Variants in RARB observed in about 807,000 individuals in gnomAD.
RARB encodes the protein retinoic acid receptor beta.
A neutral mutation model predicts 51.9 loss-of-function variants in RARB; 17 were observed. The ratio of observed to expected loss-of-function variants is 0.33; its 90% CI spans 0.22 to 0.49. The LOEUF is 0.49. Ranked by LOEUF, RARB falls within the 20% of genes least tolerant of loss-of-function variation. RARB has a pLI of 0.99. For missense variants in RARB, 369 were observed against 550.8 expected (o/e 0.67, Z 3.30); for synonymous variants, 215 against 195.4 (o/e 1.10, Z -0.84).
chr3:25,330,997 C>T (rs774312555), intron 5 of RARB, among the ~76,000 whole-genome samples: 2 of 152,042 alleles, frequency 1.3e-5, no homozygotes, highest in Admixed American at 6.6e-5. Flanking sequence ...TATATGCACC[C>T]AATACAGGAG....
intron 3 of RARB, among the ~76,000 whole-genome samples, chr3:25,112,521 A>T (rs1234446188): frequency 1.3e-5 from 2 of 152,308 alleles, no homozygotes; most frequent in Non-Finnish European, 2.9e-5. Context: ...TCATACCTGT[A>T]ATCCCAGCAC....
At chr3:25,415,340 G>A (rs542393207) in intron 5 of RARB, among the ~76,000 whole-genome samples, 1 of 152,022 alleles carries the variant, frequency 6.6e-6, no homozygotes, top group Admixed American at 6.5e-5. Context: ...TTACATTTAG[G>A]TCCAGGATCC....
At chr3:24,854,081 A>G (rs892370117) in intron 1 of RARB, among the ~76,000 whole-genome samples, 1 of 152,208 alleles carries the variant, frequency 6.6e-6, no homozygotes, top group South Asian at 2.1e-4. Context: ...GTGTAGTTTC[A>G]TCGTAAATAG....
intron 3 of RARB, among the ~76,000 whole-genome samples, chr3:25,123,060 C>T (rs1699809392): frequency 6.6e-6 from 1 of 151,984 alleles, no homozygotes; most frequent in Non-Finnish European, 1.5e-5. Flanking sequence ...ATTCAATTCT[C>T]CTGCATGAGC....
chr3:25,293,088 T>C (rs1703828719), intron 5 of RARB, among the ~76,000 whole-genome samples: 1 of 152,196 alleles, frequency 6.6e-6, no homozygotes. Flanking sequence ...CTCCTAGTTA[T>C]TCACAGCCTG....
At chr3:25,315,006 T>C (rs1704386893) in intron 5 of RARB, among the ~76,000 whole-genome samples, 1 of 152,258 alleles carries the variant, frequency 6.6e-6, no homozygotes, top group South Asian at 2.1e-4. Context: ...GGCCTCCAGC[T>C]ACATCCATGT....
chr3:25,358,059 C>T (rs901943558), intron 5 of RARB, among the ~76,000 whole-genome samples: 1 of 152,002 alleles, frequency 6.6e-6, no homozygotes, highest in Non-Finnish European at 1.5e-5. Context: ...TCAATAGTAG[C>T]TTGATGGGAA....
intron 2 of RARB, among the ~76,000 whole-genome samples, chr3:25,000,835 A>G (rs78244254): frequency 0.027 from 4,144 of 152,278 alleles, 138 homozygotes; most frequent in East Asian, 0.12. Context: ...TGTAAGTGCT[A>G]TAGATTTTTA....
chr3:25,479,608 G>T (rs1007576790), intron 2 of RARB, among the ~76,000 whole-genome samples: 61 of 152,220 alleles, frequency 4.0e-4, no homozygotes, highest in African/African-American at 1.4e-3. Flanking sequence ...AATGATGGAA[G>T]TGTTTTTGAC....
chr3:25,463,045 CT>C (rs1398340621), intron 2 of RARB, among the ~76,000 whole-genome samples: 1 of 152,062 alleles, frequency 6.6e-6, no homozygotes, highest in Non-Finnish European at 1.5e-5. Flanking sequence ...CTTGAAAAAG[CT>C]TTTTTGTAGA....
At chr3:24,992,738 T>C (rs914019571) in intron 2 of RARB, among the ~76,000 whole-genome samples, 1 of 152,154 alleles carries the variant, frequency 6.6e-6, no homozygotes, top group Non-Finnish European at 1.5e-5. Flanking sequence ...TTTCCTCTTT[T>C]TATATGGACA....
intron 2 of RARB, among the ~76,000 whole-genome samples, chr3:24,981,224 T>G (rs1696663473): frequency 1.3e-5 from 2 of 151,782 alleles, no homozygotes; most frequent in South Asian, 4.2e-4. Flanking sequence ...TACACAGGAG[T>G]CAGGGACCCA....
chr3:24,874,428 C>G (rs1382830556), intron 2 of RARB, among the ~76,000 whole-genome samples: 2 of 151,974 alleles, frequency 1.3e-5, no homozygotes, highest in African/African-American at 2.4e-5. Flanking sequence ...TGATGACTTT[C>G]TTTACCCATA....
chr3:24,857,699 G>A (rs1006303891), intron 1 of RARB, among the ~76,000 whole-genome samples: 5 of 152,142 alleles, frequency 3.3e-5, no homozygotes, highest in African/African-American at 4.8e-5. Context: ...GTGGATCATT[G>A]AGCGTAGGAG....
intron 3 of RARB, among the ~76,000 whole-genome samples, chr3:25,505,863 GA>G (rs1697558965): frequency 6.6e-6 from 1 of 152,054 alleles, no homozygotes; most frequent in South Asian, 2.1e-4. Flanking sequence ...ATGAAAAAGA[GA>G]AACAATAAAT....
chr3:25,032,898 C>T (rs985412180), intron 2 of RARB, among the ~76,000 whole-genome samples: 2 of 152,146 alleles, frequency 1.3e-5, no homozygotes. Flanking sequence ...ATTGTCATTT[C>T]GTGGGACAAT....
At chr3:24,900,414 C>T (rs1317098347) in intron 2 of RARB, among the ~76,000 whole-genome samples, 3 of 152,172 alleles carry the variant, frequency 2.0e-5, no homozygotes, top group Non-Finnish European at 4.4e-5. Flanking sequence ...ATTTTACAAT[C>T]GATTCTCTCA....
chr3:24,924,454 T>G (rs1695276189), intron 2 of RARB, among the ~76,000 whole-genome samples: 1 of 152,200 alleles, frequency 6.6e-6, no homozygotes, highest in Non-Finnish European at 1.5e-5. Context: ...TGGTAGCCAC[T>G]AGCTAGATAT....
chr3:25,209,773 T>C (rs897678663), intron 5 of RARB, among the ~76,000 whole-genome samples: 11 of 152,192 alleles, frequency 7.2e-5, no homozygotes, highest in Non-Finnish European at 1.5e-5. Flanking sequence ...TGCAGTCCTA[T>C]TCAACTGAAA....
Sources: gnomAD v4.1 joint callset for allele counts (sites outside exome capture counted in the v4.1 genomes callset) on GRCh38, gnomAD v4.1.1 for gene constraint, MANE v1.5 for transcripts, NCBI Gene and HGNC (gene_info 2026-07-23, HGNC 2026-07-21) for gene names.